The following RIF1 variants were observed in gnomAD, a reference collection of about 807,000 sequenced individuals.
RIF1 encodes telomere-associated protein RIF1.
A neutral mutation model predicts 247.1 loss-of-function variants in RIF1; 45 were observed. The observed-to-expected ratio is 0.18, with a 90% confidence interval of 0.14 to 0.23. The LOEUF (loss-of-function observed/expected upper bound fraction) is 0.23. Ranked by LOEUF, RIF1 falls within the 10% of genes least tolerant of loss-of-function variation. The probability of loss-of-function intolerance (pLI) is 1.00; values close to 1 mark genes in which losing one functional copy is unlikely to be tolerated. For synonymous variants in RIF1, 1,087 were observed against 978.8 expected (o/e 1.11, Z -2.06); for missense variants, 2,967 against 2,862.5 (o/e 1.04, Z -0.83).
At chr2:151,448,797 T>C (rs1693761865) in intron 20 of RIF1, among the ~76,000 whole-genome samples, 1 of 152,234 alleles carries the variant, frequency 6.6e-6, no homozygotes, top group Non-Finnish European at 1.5e-5. Context: ...GGTGATTATC[T>C]CTGGGATCTG....
chr2:151,428,457 G>A (rs188069492), intron 8 of RIF1, among the ~76,000 whole-genome samples: 2 of 152,138 alleles, frequency 1.3e-5, no homozygotes, highest in East Asian at 1.9e-4. Flanking sequence ...GTATTGATTT[G>A]ATAAAGTTTG....
intron 8 of RIF1, among the ~76,000 whole-genome samples, chr2:151,428,146 T>G (rs1689451844): frequency 6.6e-6 from 1 of 152,112 alleles, no homozygotes; most frequent in South Asian, 2.1e-4. Flanking sequence ...GGAGAATCAC[T>G]TGAACCCAGG....
rs2049174679 is a variant in RIF1 at position 151,481,699 on chromosome 2, GCAGT to G, written c.*6633_*6636del. The stretch of plus-strand genomic sequence containing the variant: ...ACCTGCAAATAATGGAAATAATGGT[GCAGT>G]CAGTTTTATTTGATTGTGTAATGCT... On this transcript the variant is annotated 3_prime_UTR_variant, in exon 36 of 36. Transcript: ENST00000444746. 1 of 152,228 alleles carries G rather than the reference GCAGT, an allele frequency of 6.6e-6. No individual in the cohort carries two copies. The highest frequency in any genetic ancestry group is 1.5e-5 in the Non-Finnish European group (1 of 68,042). 9.4% of individuals were successfully genotyped at this position (152,228 alleles called of 1,614,324 possible).
At chr2:151,434,572 C>T (rs940043317) in intron 10 of RIF1, among the ~76,000 whole-genome samples, 2 of 151,378 alleles carry the variant, frequency 1.3e-5, no homozygotes, top group African/African-American at 4.8e-5. Context: ...TCCTGAGTAG[C>T]TGGGACTACA....
At chr2:151,462,512 CAT>C (rs768577650) in intron 29 of RIF1, 46 bp downstream of exon 29, 10 of 1,232,666 alleles carry the variant, frequency 8.1e-6, no homozygotes, top group Non-Finnish European at 1.1e-5. Flanking sequence ...ATCACCCTTC[CAT>C]TATACAGTCT....
In RIF1 at chr2:151,490,179, TG is replaced by T. The variant is rs1327568232; in HGVS notation, c.*416-5049del. 47 of 1,199,332 alleles carry T rather than the reference TG, an allele frequency of 3.9e-5. 2 individuals carry two copies. Among genetic ancestry groups the T allele is most frequent in the Non-Finnish European group, 3.1e-5 (26 of 844,670 alleles). The allele number at this position is 1,199,332 out of a possible 1,614,324, so 74.3% of individuals were successfully genotyped here. ...GATGTCTTTTTCCCCCAACTTAGAA[TG>T]ATTTCCAAAAAGAGAAATCAAAGAA... is the stretch of plus-strand genomic sequence containing the variant. On this transcript the variant is annotated intron_variant and NMD_transcript_variant, in intron 9 of 13. Transcript: ENST00000454583.
chr2:151,492,089 C>T lies in RIF1; in HGVS notation c.*416-3140C>T, dbSNP rs2152820055. On this transcript the variant is annotated intron_variant and NMD_transcript_variant, in intron 9 of 13. Coordinates refer to the RIF1 transcript ENST00000454583. ...AGTTAATCCCCTCCCCCAACCCAGGCTCAGTTACCTGTAATAGTCTCCTGA... is the reference window on the plus strand; with the variant it reads ...AGTTAATCCCCTCCCCCAACCCAGGTTCAGTTACCTGTAATAGTCTCCTGA... The T allele has an allele frequency of 6.2e-7, 1 of 1,613,466 alleles. No individual in the cohort carries two copies.
chr2:151,436,709 A>G, intron 11 of RIF1, 118 bp from the exon 12 acceptor site: 1 of 739,698 alleles, frequency 1.4e-6, no homozygotes, highest in Non-Finnish European at 2.1e-6. Context: ...GTATGGATTA[A>G]TGCCTGAGAC....
the RIF1 span, chr2:151,525,842 A>G: frequency 1.2e-6 from 1 of 819,154 alleles, no homozygotes; most frequent in Non-Finnish European, 2.2e-6. Flanking sequence ...ACATGTAGAT[A>G]TTGATGGTAA....
chr2:151,431,206 A>G (rs1261935682), intron 9 of RIF1, among the ~76,000 whole-genome samples: 3 of 152,308 alleles, frequency 2.0e-5, no homozygotes, highest in South Asian at 2.1e-4. Context: ...TTACTCTGCC[A>G]TCTTTGATTT....
rs547780039 is a variant in RIF1 at position 151,450,854 on chromosome 2, G to A, written c.2245-752G>A. On this transcript the variant is annotated intron_variant, in intron 20 of 35. Transcript: ENST00000444746. ...CCACCTCAGCCTCCCAAAGTGCTGG[G>A]ATTGCAGGCGTGAGCCACCAGTCCT... Among the ~76,000 whole-genome samples, 5 of 152,270 alleles carry A rather than the reference G, an allele frequency of 3.3e-5. No homozygotes were observed. The South Asian group carries it at 1.0e-3, about 32-fold the overall frequency.
chr2:151,443,732 A>G (rs1692752383), intron 18 of RIF1, 23 bp downstream of exon 18: 3 of 1,418,522 alleles, frequency 2.1e-6, no homozygotes, highest in Non-Finnish European at 2.8e-6. Flanking sequence ...TCTGCTACGT[A>G]TTTTGGATAA....
Position 151,463,090 on chromosome 2 carries a change from T to C in RIF1, c.3570T>C (p.Ser1190=). 1.9e-6 allele frequency: 3 copies of C among 1,614,048 alleles called. No individual in the cohort carries two copies. Among genetic ancestry groups the C allele is most frequent in the Non-Finnish European group, 2.5e-6 (3 of 1,179,950 alleles). The change falls in exon 30 of 36, where the codon AGT becomes AGC. Residue 1190 remains serine, a synonymous_variant. Transcript: ENST00000444746. The stretch of plus-strand genomic sequence containing the variant: ...AAACATCAACTGAATGTGCATCTAG[T>C]ACAGAAAATTCTTTCGTTGTCAGCA... ...SRKTSTECAS[S]TENSFVVSSS...
intron 6 of RIF1, among the ~76,000 whole-genome samples, chr2:151,418,551 A>G (rs1687604875): frequency 6.6e-6 from 1 of 152,116 alleles, no homozygotes; most frequent in South Asian, 2.1e-4. Flanking sequence ...CTTTTGTAAG[A>G]ATAATTAGCT....
intron 3 of RIF1, among the ~76,000 whole-genome samples, chr2:151,414,412 CCCTT>C (rs1208601985): frequency 6.6e-6 from 1 of 152,080 alleles, no homozygotes; most frequent in African/African-American, 2.4e-5. Flanking sequence ...ACATTCTAAC[CCCTT>C]CCTTCTCCCA....
At chr2:151,451,784 C>A in intron 21 of RIF1, 79 bp downstream of exon 21, 1 of 711,588 alleles carries the variant, frequency 1.4e-6, no homozygotes, top group African/African-American at 1.8e-5. Context: ...AGTCCTAATA[C>A]CTTTGCCACC....
At position 151,446,218 on chromosome 2, in the gene RIF1, C is replaced by T. The variant is rs143041686; in HGVS notation, c.2095-208C>T. Among the ~76,000 whole-genome samples, 29 of 150,390 alleles carry T rather than the reference C, an allele frequency of 1.9e-4. No individual in the cohort carries two copies. In the East Asian group the frequency reaches 5.8e-3, roughly 30 times the overall value. On this transcript the variant is annotated intron_variant, in intron 19 of 35. Coordinates refer to ENST00000444746, the MANE Select transcript of RIF1 (RefSeq NM_018151.5). ...AGATGGGGTTTCGCCATGTTGACCT[C>T]GAACTCCTGACCTCAGGTGATCCAC...
chr2:151,513,237 G>T, the RIF1 span, among the ~76,000 whole-genome samples: 1 of 152,180 alleles, frequency 6.6e-6, no homozygotes. Context: ...GAACTCCCAA[G>T]ATATTCTAAG....
intron 11 of RIF1, chr2:151,502,945 G>A: frequency 6.0e-6 from 6 of 1,001,954 alleles, no homozygotes; most frequent in Non-Finnish European, 7.6e-6. Flanking sequence ...AGTAAGGAAG[G>A]AAGGAAATGG....
Sources: gnomAD v4.1 joint callset for allele counts (sites outside exome capture counted in the v4.1 genomes callset) on GRCh38, gnomAD v4.1.1 for gene constraint, MANE v1.5 for transcripts, NCBI Gene and HGNC (gene_info 2026-07-23, HGNC 2026-07-21) for gene names.